The following AVEN variants were observed in gnomAD, a reference collection of about 807,000 sequenced individuals.
AVEN encodes the protein cell death regulator Aven.
Under a neutral mutation model 38.1 loss-of-function variants are expected in AVEN, and 41 were observed. That is an observed-to-expected ratio of 1.08 (90% confidence interval 0.84 to 1.40). AVEN has a LOEUF of 1.40. Among genes scored for constraint, AVEN ranks in the 40% most tolerant of loss-of-function variants. The pLI is 0.00. For synonymous variants in AVEN, 206 were observed against 171.8 expected (o/e 1.20, Z -1.56); for missense variants, 605 against 438.8 (o/e 1.38, Z -3.38).
intron 1 of AVEN, among the ~76,000 whole-genome samples, chr15:34,032,160 T>C (rs1217937272): frequency 6.6e-6 from 1 of 152,198 alleles, no homozygotes; most frequent in African/African-American, 2.4e-5. Flanking sequence ...TATTGCTCCC[T>C]TTGATACTTC....
chr15:33,859,259 G>A (rs1168872193), intron 11 of AVEN, among the ~76,000 whole-genome samples: 1 of 152,192 alleles, frequency 6.6e-6, no homozygotes, highest in African/African-American at 2.4e-5. Flanking sequence ...AATTAAATGA[G>A]GAAAAATTAT....
chr15:33,857,699 C>T (rs1204040624), downstream of AVEN: 5 of 1,554,330 alleles, frequency 3.2e-6, no homozygotes, highest in East Asian at 4.5e-5. Flanking sequence ...TCTTCCTCCT[C>T]GTTTTCTTAG....
At chr15:33,898,466 C>G (rs184769430) in intron 2 of AVEN, among the ~76,000 whole-genome samples, 2 of 152,302 alleles carry the variant, frequency 1.3e-5, no homozygotes, top group East Asian at 3.9e-4. Context: ...AGGGGAGGAG[C>G]TTCCCCTCAT....
At chr15:34,005,430 A>G (rs1021472027) in intron 1 of AVEN, among the ~76,000 whole-genome samples, 2 of 146,914 alleles carry the variant, frequency 1.4e-5, no homozygotes, top group Non-Finnish European at 3.1e-5. Context: ...TATTATTTAC[A>G]GATTTTTTTT....
At chr15:34,025,381 T>C (rs2684932) in intron 1 of AVEN, among the ~76,000 whole-genome samples, 97,633 of 152,090 alleles carry the variant, frequency 0.64, 36,689 homozygotes, top group Non-Finnish European at 0.85. Context: ...GAATAAAAAA[T>C]GAGCAGGAAG....
At chr15:33,974,047 A>T (rs1297387654) in intron 2 of AVEN, among the ~76,000 whole-genome samples, 1 of 152,238 alleles carries the variant, frequency 6.6e-6, no homozygotes, top group Non-Finnish European at 1.5e-5. Context: ...GGGATAGTAT[A>T]TGATATTATG....
At chr15:34,040,256 C>G (rs1180040628), upstream of AVEN, among the ~76,000 whole-genome samples, 2 of 151,988 alleles carry the variant, frequency 1.3e-5, no homozygotes, top group Non-Finnish European at 2.9e-5. Flanking sequence ...ATTACAGTAC[C>G]GTGTTGCTGA....
chr15:33,936,012 C>A (rs1894044927), intron 2 of AVEN, among the ~76,000 whole-genome samples: 1 of 151,786 alleles, frequency 6.6e-6, no homozygotes, highest in African/African-American at 2.4e-5. Context: ...TAAAATGAAT[C>A]GATTTCAAGA....
intron 2 of AVEN, among the ~76,000 whole-genome samples, chr15:33,901,554 T>C (rs1418639604): frequency 3.3e-5 from 5 of 152,376 alleles, no homozygotes; most frequent in Middle Eastern, 6.8e-3. Flanking sequence ...CTAGGTCATA[T>C]GGCAGTTCTA....
chr15:33,977,601 A>T (rs1045092321), intron 2 of AVEN, among the ~76,000 whole-genome samples: 2 of 152,196 alleles, frequency 1.3e-5, no homozygotes, highest in East Asian at 3.9e-4. Flanking sequence ...GATGGTACAT[A>T]CATATTTTCC....
At chr15:34,008,037 T>G (rs1054667757) in intron 1 of AVEN, among the ~76,000 whole-genome samples, 1 of 152,106 alleles carries the variant, frequency 6.6e-6, no homozygotes, top group Non-Finnish European at 1.5e-5. Context: ...CCAAATAAGA[T>G]CACACTCAGA....
At chr15:33,982,049 T>C (rs566567665) in intron 2 of AVEN, among the ~76,000 whole-genome samples, 10 of 151,566 alleles carry the variant, frequency 6.6e-5, no homozygotes, top group African/African-American at 2.4e-4. Context: ...TTTTTATTAG[T>C]AGAGACAAGA....
chr15:34,063,646 A>C lies in AVEN; in HGVS notation n.1127-214T>G, dbSNP rs765851212. Reference sequence around the variant, plus strand: ...ACCTGTAGCAGCTACCCTTCCTCAGAGGATGAGGACAAGCCCGCCACTGAC... The same window carrying C: ...ACCTGTAGCAGCTACCCTTCCTCAGCGGATGAGGACAAGCCCGCCACTGAC... On this transcript the variant is annotated intron_variant and non_coding_transcript_variant, in intron 4 of 11. Coordinates refer to the AVEN transcript ENST00000675287. This position sits in a 1 kb window ranked among gnomAD's most constrained non-coding sequence, Gnocchi z 4.1. The C allele has an allele frequency of 8.1e-6, 13 of 1,614,128 alleles. No individual in the cohort carries two copies. The South Asian group carries it at 1.4e-4, about 18-fold the overall frequency.
At chr15:33,955,458 C>T (rs1051082182) in intron 2 of AVEN, among the ~76,000 whole-genome samples, 4 of 152,166 alleles carry the variant, frequency 2.6e-5, no homozygotes, top group Non-Finnish European at 5.9e-5. Context: ...ACGTACAACG[C>T]TTAAAACTAT....
chr15:33,865,289 T>C (rs1890126951), downstream of AVEN: 2 of 1,165,942 alleles, frequency 1.7e-6, no homozygotes, highest in Admixed American at 3.9e-5. Flanking sequence ...AAGTCCCCTT[T>C]TTACAGTTCT....
At chr15:33,921,266 A>G (rs1161118767) in intron 2 of AVEN, among the ~76,000 whole-genome samples, 1 of 152,222 alleles carries the variant, frequency 6.6e-6, no homozygotes, top group African/African-American at 2.4e-5. Context: ...CTAAGCACCT[A>G]AGATAGTGCC....
the AVEN span, chr15:33,853,774 C>G: frequency 1.7e-5 from 25 of 1,498,704 alleles, no homozygotes; most frequent in South Asian, 2.9e-4. Context: ...TGTCTTTGTT[C>G]TCTCAGGCTG....
intron 2 of AVEN, among the ~76,000 whole-genome samples, chr15:33,901,698 G>C (rs1892503429): frequency 1.3e-5 from 2 of 152,092 alleles, no homozygotes; most frequent in Admixed American, 1.3e-4. Context: ...TTTTATAACA[G>C]CCATCCTAAT....
At chr15:33,873,534 A>C (rs892458895) in intron 3 of AVEN, among the ~76,000 whole-genome samples, 1 of 148,176 alleles carries the variant, frequency 6.7e-6, no homozygotes, top group Non-Finnish European at 1.5e-5. Context: ...AATATATATT[A>C]TATATATGCA....
Sources: allele counts gnomAD v4.1 joint callset (sites outside exome capture counted in the v4.1 genomes callset), GRCh38; gene constraint gnomAD v4.1.1; non-coding constraint Gnocchi (gnomAD v3.1); transcripts MANE v1.5; gene names NCBI Gene and HGNC (gene_info 2026-07-23, HGNC 2026-07-21).